The following CYP2J2 variants were observed in gnomAD, a reference collection of about 807,000 sequenced individuals.
The protein encoded by CYP2J2 is cytochrome P450 2J2.
In CYP2J2, 41 loss-of-function variants were observed where a neutral mutation model predicts 48.8. The ratio of observed to expected loss-of-function variants is 0.84; its 90% CI spans 0.66 to 1.09. The LOEUF (loss-of-function observed/expected upper bound fraction) is 1.09, where lower values mean the gene tolerates loss of function less well. Among genes scored for constraint, CYP2J2 ranks in the 50% least tolerant of loss-of-function variants. The pLI, the probability that CYP2J2 is intolerant of heterozygous loss-of-function variation, is 0.00. For synonymous variants in CYP2J2, 221 were observed against 227.1 expected, an observed-to-expected ratio of 0.97 and a Z score of 0.24; for missense variants, 644 against 617.3, an observed-to-expected ratio of 1.04 and a Z score of -0.46.
chr1:59,907,930 A>G lies in CYP2J2; in HGVS notation c.862-3T>C, dbSNP rs1021105158. On this transcript the variant is annotated splice_polypyrimidine_tract_variant and splice_region_variant and intron_variant, in intron 5 of 8. Coordinates refer to ENST00000371204, the MANE Select transcript of CYP2J2 (RefSeq NM_000775.4). The stretch of plus-strand genomic sequence containing the variant: ...CTTGAAGTAGGATTGCCTGTGTGCT[A>G]GAAAACACAATGTTTGATGTTATTT... The G allele has an allele frequency of 6.2e-7, 1 of 1,613,958 alleles. No homozygotes were observed. Among genetic ancestry groups the G allele is most frequent in the Non-Finnish European group, 8.5e-7 (1 of 1,179,822 alleles).
chr1:59,909,530 G>A (rs564821825), intron 5 of CYP2J2, among the ~76,000 whole-genome samples: 8 of 152,232 alleles, frequency 5.3e-5, no homozygotes, highest in Non-Finnish European at 7.3e-5. Context: ...GGACATAGGC[G>A]GCTCCTAGAA....
intron 1 of CYP2J2, among the ~76,000 whole-genome samples, chr1:59,922,371 T>TA (rs1329134618): frequency 6.6e-6 from 1 of 152,242 alleles, no homozygotes; most frequent in Non-Finnish European, 1.5e-5. Flanking sequence ...TAAAAATACT[T>TA]ATGTAAGATC....
chr1:59,934,725 T>C, the CYP2J2 span, among the ~76,000 whole-genome samples: 1 of 151,732 alleles, frequency 6.6e-6, no homozygotes, highest in Non-Finnish European at 1.5e-5. Context: ...GGCTAGGATA[T>C]GGAGAAAATA....
chr1:59,966,907 CCTTT>C, the CYP2J2 span, among the ~76,000 whole-genome samples: 3 of 152,152 alleles, frequency 2.0e-5, no homozygotes, highest in Non-Finnish European at 4.4e-5. Flanking sequence ...GAAGTCCTGG[CCTTT>C]CTAAGTATTG....
intron 6 of CYP2J2, among the ~76,000 whole-genome samples, chr1:59,905,870 A>G (rs1323067161): frequency 1.3e-5 from 2 of 152,200 alleles, no homozygotes; most frequent in African/African-American, 4.8e-5. Flanking sequence ...CTCTAGAGTA[A>G]TAGAGATTTT....
chr1:59,910,557 TA>T (rs1016570368), intron 4 of CYP2J2, among the ~76,000 whole-genome samples: 1 of 152,178 alleles, frequency 6.6e-6, no homozygotes, highest in African/African-American at 2.4e-5. Context: ...AGGAAATTTT[TA>T]AAAATTTTGA....
At chr1:59,939,284 T>G in the CYP2J2 span, among the ~76,000 whole-genome samples, 14 of 152,350 alleles carry the variant, frequency 9.2e-5, no homozygotes, top group African/African-American at 3.4e-4. Context: ...TAGCTGTATC[T>G]GCATTAGGGA....
chr1:59,968,391 T>A, the CYP2J2 span, among the ~76,000 whole-genome samples: 5 of 152,142 alleles, frequency 3.3e-5, no homozygotes, highest in East Asian at 9.7e-4. Context: ...ATTCCCCTCT[T>A]GGTCCCAATC....
chr1:59,950,581 T>C, the CYP2J2 span, among the ~76,000 whole-genome samples: 1 of 152,120 alleles, frequency 6.6e-6, no homozygotes, highest in Non-Finnish European at 1.5e-5. Context: ...ACAAAGGAGA[T>C]AGTTAGGCTG....
the CYP2J2 span, among the ~76,000 whole-genome samples, chr1:59,965,099 A>C: frequency 1.3e-5 from 2 of 152,236 alleles, no homozygotes; most frequent in African/African-American, 4.8e-5. Flanking sequence ...AGTAATTATA[A>C]TGTGTTAGAT....
the CYP2J2 span, among the ~76,000 whole-genome samples, chr1:59,933,807 C>T: frequency 1.1e-4 from 16 of 152,144 alleles, no homozygotes; most frequent in Non-Finnish European, 1.8e-4. Flanking sequence ...TCCATATTAC[C>T]GAAATTAATT....
At chr1:59,929,966 T>C (rs1644595304), upstream of CYP2J2, among the ~76,000 whole-genome samples, 1 of 149,562 alleles carries the variant, frequency 6.7e-6, no homozygotes, top group African/African-American at 2.4e-5. Flanking sequence ...AAATACATCA[T>C]AGTAAAAATA....
rs992509596 is a variant in CYP2J2 at position 59,893,422 on chromosome 1, T to A, written c.*229A>T. 4.2e-5 allele frequency: 18 copies of A among 426,782 alleles called. No individual in the cohort carries two copies. In the Admixed American group the frequency reaches 5.1e-4, roughly 12 times the overall value. 26.4% of individuals were successfully genotyped at this position (426,782 alleles called of 1,614,324 possible). On this transcript the variant is annotated 3_prime_UTR_variant, in exon 9 of 9. Transcript: ENST00000371204. ...GGAAGGAAACATTATCCTCTTTTCA[T>A]CTCCTAGATAAAAAGGTAAATTATT...
At chr1:59,961,034 C>G in the CYP2J2 span, among the ~76,000 whole-genome samples, 155 of 152,222 alleles carry the variant, frequency 1.0e-3, no homozygotes, top group African/African-American at 3.4e-3. Flanking sequence ...AATGATAAAA[C>G]TCTTTGAAGA....
intron 5 of CYP2J2, among the ~76,000 whole-genome samples, chr1:59,908,348 G>C (rs1027754601): frequency 6.6e-6 from 1 of 152,162 alleles, no homozygotes; most frequent in African/African-American, 2.4e-5. Context: ...CACCTCTTAA[G>C]AGGGCATTAT....
At chr1:59,944,012 C>T in the CYP2J2 span, among the ~76,000 whole-genome samples, 2 of 152,072 alleles carry the variant, frequency 1.3e-5, no homozygotes, top group Non-Finnish European at 1.5e-5. Context: ...ACTTAGTGGC[C>T]CCTTTAATGT....
At chr1:59,930,583 T>A (rs777490391), upstream of CYP2J2, among the ~76,000 whole-genome samples, 7 of 152,150 alleles carry the variant, frequency 4.6e-5, no homozygotes, top group Non-Finnish European at 1.0e-4. Flanking sequence ...TGCCAATTTT[T>A]AATTGGGCTG....
chr1:59,912,363 T>C, intron 2 of CYP2J2, 52 bp from the exon 3 acceptor site: 2 of 1,546,552 alleles, frequency 1.3e-6, no homozygotes, highest in Admixed American at 3.6e-5. Flanking sequence ...AATATGAATA[T>C]CCAGCAAATG....
intron 1 of CYP2J2, among the ~76,000 whole-genome samples, chr1:59,924,097 G>T (rs1260231748): frequency 6.6e-6 from 1 of 152,202 alleles, no homozygotes; most frequent in East Asian, 1.9e-4. Context: ...TAACAATTCA[G>T]ATGACAGTAG....
Sources: allele counts gnomAD v4.1 joint callset (sites outside exome capture counted in the v4.1 genomes callset), GRCh38; gene constraint gnomAD v4.1.1; transcripts MANE v1.5; gene names NCBI Gene and HGNC (gene_info 2026-07-23, HGNC 2026-07-21).